ADAM12: variants seen among roughly 807,000 people sequenced by gnomAD.
The protein encoded by ADAM12 is disintegrin and metalloproteinase domain-containing protein 12.
ADAM12 carries 70 observed loss-of-function variants against 106.4 expected under a neutral mutation model. The observed-to-expected ratio is 0.66, with a 90% CI of 0.54 to 0.80. The LOEUF is 0.80. Ranked by LOEUF, ADAM12 falls within the 30% of genes least tolerant of loss-of-function variation. The pLI is 0.00. For synonymous variants in ADAM12, 420 were observed against 433.5 expected, an observed-to-expected ratio of 0.97 and a Z score of 0.39; for missense variants, 1,010 against 1,171.9, an observed-to-expected ratio of 0.86 and a Z score of 2.02.
At chr10:126,105,782 G>A (rs925774025) in intron 8 of ADAM12, among the ~76,000 whole-genome samples, 1 of 152,190 alleles carries the variant, frequency 6.6e-6, no homozygotes, top group Non-Finnish European at 1.5e-5. Context: ...CATCCCCCCT[G>A]CCAGGATTTG....
Position 126,376,660 on chromosome 10 carries a change from A to G in ADAM12, c.88+11398T>C, listed in dbSNP as rs1856304565. Among the ~76,000 whole-genome samples, 3 of 152,304 alleles carry G rather than the reference A, an allele frequency of 2.0e-5. No homozygotes were observed. The South Asian group carries it at 6.2e-4, about 32-fold the overall frequency. On this transcript the variant is annotated intron_variant, in intron 1 of 22. Transcript: ENST00000448723. ...AATAAATAGAGAAATCACCACATTC[A>G]TGATGGGAAGCCTTGATGTCATGAG...
chr10:126,163,838 T>C (rs1956979101), intron 3 of ADAM12, among the ~76,000 whole-genome samples: 1 of 152,226 alleles, frequency 6.6e-6, no homozygotes, highest in Non-Finnish European at 1.5e-5. Flanking sequence ...ATGCCTAGCA[T>C]AGAAGAAGTG....
At chr10:126,211,272 G>A (rs907808266) in intron 3 of ADAM12, among the ~76,000 whole-genome samples, 8 of 152,172 alleles carry the variant, frequency 5.3e-5, no homozygotes, top group African/African-American at 1.9e-4. Flanking sequence ...CTTGCCTGAA[G>A]TGTGTTTGTT....
chr10:126,121,223 AC>A (rs1444837351), intron 5 of ADAM12, among the ~76,000 whole-genome samples: 14 of 107,006 alleles, frequency 1.3e-4, no homozygotes, highest in East Asian at 5.0e-4. Context: ...TATATTATAT[AC>A]TATAGTATAT....
chr10:126,051,925 G>T (rs987625222), intron 14 of ADAM12, among the ~76,000 whole-genome samples: 6 of 152,152 alleles, frequency 3.9e-5, no homozygotes, highest in African/African-American at 1.2e-4. Flanking sequence ...TTAAAGGCAG[G>T]CTGGTCAAGG....
At chr10:126,341,777 T>C (rs1027830226) in intron 1 of ADAM12, among the ~76,000 whole-genome samples, 4 of 152,226 alleles carry the variant, frequency 2.6e-5, no homozygotes, top group Non-Finnish European at 5.9e-5. Context: ...CCCCAGCATG[T>C]ACGTGGCTAC....
chr10:126,335,203 C>G (rs1270076895), intron 1 of ADAM12, among the ~76,000 whole-genome samples: 5 of 152,168 alleles, frequency 3.3e-5, no homozygotes, highest in African/African-American at 7.2e-5. Flanking sequence ...TGGGCATCCT[C>G]CTAAGCCACC....
At chr10:126,172,932 A>G (rs945316030) in intron 3 of ADAM12, among the ~76,000 whole-genome samples, 14 of 152,364 alleles carry the variant, frequency 9.2e-5, no homozygotes, top group African/African-American at 1.9e-4. Context: ...CAGCCATAAA[A>G]AAGGTTGAGC....
At chr10:126,368,842 T>A (rs2133916606) in intron 1 of ADAM12, among the ~76,000 whole-genome samples, 1 of 152,240 alleles carries the variant, frequency 6.6e-6, no homozygotes, top group Non-Finnish European at 1.5e-5. Context: ...GATCACTAAA[T>A]GCTAGCTATA....
intron 3 of ADAM12, among the ~76,000 whole-genome samples, chr10:126,276,339 C>T (rs1959244067): frequency 6.6e-6 from 1 of 152,178 alleles, no homozygotes; most frequent in African/African-American, 2.4e-5. Context: ...AACTCTCGGA[C>T]TTGACTCTAT....
chr10:126,135,372 AG>A (rs1956385641), intron 5 of ADAM12: 3 of 552,428 alleles, frequency 5.4e-6, no homozygotes, highest in South Asian at 2.6e-5. Context: ...GCACTGTAAG[AG>A]GGGGCATGAA....
chr10:126,097,638 C>G (rs1176199808), intron 10 of ADAM12, among the ~76,000 whole-genome samples: 1 of 152,154 alleles, frequency 6.6e-6, no homozygotes, highest in Non-Finnish European at 1.5e-5. Context: ...GAAGAATGGT[C>G]TCTGAGGATA....
intron 20 of ADAM12, among the ~76,000 whole-genome samples, chr10:126,037,886 G>A (rs1954087204): frequency 6.6e-6 from 1 of 152,186 alleles, no homozygotes; most frequent in South Asian, 2.1e-4. Flanking sequence ...AACCATGGTG[G>A]GGCTGGCATT....
At chr10:126,134,431 T>C (rs556819249) in intron 5 of ADAM12, among the ~76,000 whole-genome samples, 1 of 152,150 alleles carries the variant, frequency 6.6e-6, no homozygotes, top group Non-Finnish European at 1.5e-5. Context: ...GCACAAGGGA[T>C]GAGAAAGCTG....
intron 1 of ADAM12, among the ~76,000 whole-genome samples, chr10:126,348,515 G>C (rs1334498613): frequency 6.6e-6 from 1 of 152,178 alleles, no homozygotes; most frequent in African/African-American, 2.4e-5. Context: ...AATGCAAGAG[G>C]GGGAGATGAG....
intron 3 of ADAM12, among the ~76,000 whole-genome samples, chr10:126,217,959 A>G (rs1958018685): frequency 6.6e-6 from 1 of 151,014 alleles, no homozygotes; most frequent in Non-Finnish European, 1.5e-5. Context: ...TGGGTAACAG[A>G]GCAAGACTCT....
Position 126,081,537 on chromosome 10 carries a change from T to C in ADAM12, c.1146-9883A>G, listed in dbSNP as rs558820040. On this transcript the variant is annotated intron_variant, in intron 11 of 22. Coordinates refer to ENST00000448723, the MANE Select transcript of ADAM12 (RefSeq NM_001288973.2). ...CCAAAATGGAGTTTTGTTTTTCTCC[T>C]GACAGCAGATGCCACAGATTGGGCA... Among the ~76,000 whole-genome samples the C allele has an allele frequency of 5.3e-5, 8 of 152,356 alleles. No individual in the cohort carries two copies. In the East Asian group the frequency reaches 1.3e-3, roughly 26 times the overall value.
intron 3 of ADAM12, among the ~76,000 whole-genome samples, chr10:126,262,446 T>C (rs574153973): frequency 1.3e-5 from 2 of 152,278 alleles, no homozygotes; most frequent in South Asian, 2.1e-4. Context: ...AATCTGCAAA[T>C]CAGTCAGGAT....
intron 11 of ADAM12, among the ~76,000 whole-genome samples, chr10:126,092,021 T>C (rs920847547): frequency 6.6e-6 from 1 of 152,180 alleles, no homozygotes; most frequent in African/African-American, 2.4e-5. Flanking sequence ...GCCAGGGGGT[T>C]ACTAAACTGC....
Sources: gnomAD v4.1 joint callset for allele counts (sites outside exome capture counted in the v4.1 genomes callset) on GRCh38, gnomAD v4.1.1 for gene constraint, MANE v1.5 for transcripts, NCBI Gene and HGNC (gene_info 2026-07-23, HGNC 2026-07-21) for gene names.